Variants in ADK observed in about 807,000 individuals in gnomAD.
ADK encodes N6,N6-dimethyladenosine kinase.
A neutral mutation model predicts 44.7 loss-of-function variants in ADK; 24 were observed. The observed-to-expected ratio is 0.54, with a 90% CI of 0.39 to 0.76. The LOEUF (loss-of-function observed/expected upper bound fraction) is 0.76, where lower values mean the gene tolerates loss of function less well. Among genes scored for constraint, ADK ranks in the 30% least tolerant of loss-of-function variants. The pLI, the probability that ADK is intolerant of heterozygous loss-of-function variation, is 0.00. For missense variants in ADK, 321 were observed against 425.1 expected (o/e 0.76, Z 2.15); for synonymous variants, 128 against 142.6 (o/e 0.90, Z 0.73).
intron 4 of ADK, among the ~76,000 whole-genome samples, chr10:74,364,141 T>C (rs907555584): frequency 5.3e-5 from 8 of 152,232 alleles, no homozygotes; most frequent in East Asian, 1.9e-4. Context: ...TTGCTACCCA[T>C]ATTTGAGGAA....
At chr10:74,177,323 G>A (rs936956368) in intron 1 of ADK, among the ~76,000 whole-genome samples, 1 of 152,152 alleles carries the variant, frequency 6.6e-6, no homozygotes. Flanking sequence ...CTTCTCTGAT[G>A]CAGGTATATT....
chr10:74,226,189 C>T (rs1844531481), intron 3 of ADK, among the ~76,000 whole-genome samples: 1 of 151,990 alleles, frequency 6.6e-6, no homozygotes, highest in East Asian at 1.9e-4. Context: ...CTCACTGCAA[C>T]CTCTGCTTCC....
intron 6 of ADK, among the ~76,000 whole-genome samples, chr10:74,454,602 T>A (rs1360751132): frequency 2.0e-5 from 3 of 152,118 alleles, no homozygotes; most frequent in Admixed American, 6.6e-5. Context: ...AAAAAAAATA[T>A]CTTTCCCTCC....
At chr10:74,395,992 C>T (rs1592148494) in intron 5 of ADK, among the ~76,000 whole-genome samples, 1 of 152,244 alleles carries the variant, frequency 6.6e-6, no homozygotes, top group Non-Finnish European at 1.5e-5. Flanking sequence ...GCCTGGGCAA[C>T]AGAGCAAGAT....
intron 6 of ADK, among the ~76,000 whole-genome samples, chr10:74,406,517 T>G (rs953790511): frequency 5.4e-4 from 28 of 52,238 alleles, no homozygotes; most frequent in Admixed American, 1.6e-3. Context: ...ATAATAATAA[T>G]AATAATAATA....
intron 2 of ADK, among the ~76,000 whole-genome samples, chr10:74,204,297 T>A (rs1472504261): frequency 6.6e-6 from 1 of 152,172 alleles, no homozygotes; most frequent in African/African-American, 2.4e-5. Flanking sequence ...TAGTAGGTTT[T>A]CAGTGCATAA....
chr10:74,556,611 C>T (rs1246643180), intron 7 of ADK, among the ~76,000 whole-genome samples: 1 of 152,190 alleles, frequency 6.6e-6, no homozygotes, highest in Non-Finnish European at 1.5e-5. Context: ...GACACATTTT[C>T]TAAGTCTTAC....
At chr10:74,250,994 A>G (rs1322915985) in intron 3 of ADK, among the ~76,000 whole-genome samples, 2 of 152,086 alleles carry the variant, frequency 1.3e-5, no homozygotes, top group Admixed American at 6.6e-5. Context: ...CTTCCATCTC[A>G]GTCTCCCAAA....
intron 7 of ADK, among the ~76,000 whole-genome samples, chr10:74,588,799 T>A (rs994692163): frequency 6.6e-6 from 1 of 152,176 alleles, no homozygotes; most frequent in Non-Finnish European, 1.5e-5. Context: ...TTCCCTATCA[T>A]CCTTTTTACC....
intron 4 of ADK, among the ~76,000 whole-genome samples, chr10:74,329,558 A>G (rs1431767509): frequency 3.9e-5 from 6 of 152,196 alleles, no homozygotes; most frequent in Non-Finnish European, 7.4e-5. Context: ...AAAAATTAGC[A>G]GTTATGCAGT....
chr10:74,173,989 C>T (rs186675655), intron 1 of ADK, among the ~76,000 whole-genome samples: 3 of 151,636 alleles, frequency 2.0e-5, no homozygotes, highest in East Asian at 2.0e-4. Context: ...ATGGGTAAAC[C>T]GAGGGACAGA....
chr10:74,650,730 A>G (rs1406746731), intron 9 of ADK, among the ~76,000 whole-genome samples: 1 of 152,244 alleles, frequency 6.6e-6, no homozygotes, highest in African/African-American at 2.4e-5. Context: ...ACCTTGCAGT[A>G]CTGACAGCGA....
chr10:74,466,322 A>G (rs2133268796), intron 6 of ADK, among the ~76,000 whole-genome samples: 1 of 152,338 alleles, frequency 6.6e-6, no homozygotes, highest in Non-Finnish European at 1.5e-5. Flanking sequence ...CAAATGTATA[A>G]CAAGTTACCT....
intron 10 of ADK, among the ~76,000 whole-genome samples, chr10:74,690,816 CT>C (rs1855965986): frequency 6.6e-6 from 1 of 152,202 alleles, no homozygotes; most frequent in Non-Finnish European, 1.5e-5. Flanking sequence ...TTTTATCCAT[CT>C]TTGACTCCTT....
At chr10:74,288,688 A>G (rs1847287660) in intron 3 of ADK, among the ~76,000 whole-genome samples, 1 of 152,198 alleles carries the variant, frequency 6.6e-6, no homozygotes, top group Non-Finnish European at 1.5e-5. Context: ...AAACTTCATT[A>G]CAGAGTAAAA....
At chr10:74,299,001 TG>T (rs1002197409) in intron 3 of ADK, among the ~76,000 whole-genome samples, 2 of 152,202 alleles carry the variant, frequency 1.3e-5, no homozygotes, top group Non-Finnish European at 2.9e-5. Flanking sequence ...TTGGCTCTGA[TG>T]AACCAACAGA....
At chr10:74,593,560 T>G (rs1157606834) in intron 8 of ADK, among the ~76,000 whole-genome samples, 1 of 152,094 alleles carries the variant, frequency 6.6e-6, no homozygotes, top group Non-Finnish European at 1.5e-5. Context: ...GAGAACTTAA[T>G]GTACTATGTA....
At chr10:74,366,683 A>G (rs1343887775) in intron 4 of ADK, among the ~76,000 whole-genome samples, 1 of 152,144 alleles carries the variant, frequency 6.6e-6, no homozygotes. Flanking sequence ...TAATCTCAGC[A>G]TTTTGGGAGG....
intron 7 of ADK, among the ~76,000 whole-genome samples, chr10:74,562,640 GT>G (rs1258519393): frequency 3.9e-5 from 6 of 152,194 alleles, no homozygotes; most frequent in Admixed American, 3.9e-4. Flanking sequence ...TCTTTACTAT[GT>G]TGCTGTATCA....
Sources: allele counts gnomAD v4.1 joint callset (sites outside exome capture counted in the v4.1 genomes callset), GRCh38; gene constraint gnomAD v4.1.1; transcripts MANE v1.5; gene names NCBI Gene and HGNC (gene_info 2026-07-23, HGNC 2026-07-21).